Variants in IARS1 observed in about 807,000 individuals in gnomAD.
IARS1 encodes isoleucyl-tRNA synthetase 1, also known as isoleucine--tRNA ligase, cytoplasmic.
IARS1 carries 124 observed loss-of-function variants against 168.2 expected under a neutral mutation model. The ratio of observed to expected loss-of-function variants is 0.74; its 90% CI spans 0.64 to 0.86. The LOEUF (loss-of-function observed/expected upper bound fraction) is 0.86. Among genes scored for constraint, IARS1 ranks in the 40% least tolerant of loss-of-function variants. The pLI is 0.00. For synonymous variants in IARS1, 532 were observed against 529.4 expected (o/e 1.00, Z -0.07); for missense variants, 1,452 against 1,515.8 (o/e 0.96, Z 0.70).
chr9:92,248,467 G>A (rs533344304), intron 25 of IARS1, among the ~76,000 whole-genome samples: 1 of 151,878 alleles, frequency 6.6e-6, no homozygotes, highest in South Asian at 2.1e-4. Context: ...GAGCTCAGGA[G>A]TTAGAGACCA....
chr9:92,267,089 C>T (rs1302997368), intron 14 of IARS1, among the ~76,000 whole-genome samples: 2 of 152,120 alleles, frequency 1.3e-5, no homozygotes, highest in Non-Finnish European at 2.9e-5. Context: ...CTATATTATG[C>T]TTGGACCCGA....
intron 17 of IARS1, among the ~76,000 whole-genome samples, chr9:92,261,628 C>T (rs1208401431): frequency 6.6e-6 from 1 of 152,164 alleles, no homozygotes; most frequent in Non-Finnish European, 1.5e-5. Context: ...TATCAATATC[C>T]TGGTTGTGAT....
intron 19 of IARS1, among the ~76,000 whole-genome samples, chr9:92,257,039 C>T (rs1830829750): frequency 6.6e-6 from 1 of 152,184 alleles, no homozygotes; most frequent in African/African-American, 2.4e-5. Flanking sequence ...AACATTACTT[C>T]TCTGCACCAA....
chr9:92,289,278 C>T (rs779011391), intron 2 of IARS1, 23 bp downstream of exon 2: 1 of 898,420 alleles, frequency 1.1e-6, no homozygotes, highest in South Asian at 1.4e-5. Context: ...CTTAAGGGAA[C>T]TTAACCTAAA....
chr9:92,210,627 TG>T lies in IARS1; in HGVS notation c.*179del. The T allele has an allele frequency of 1.8e-6, 1 of 557,150 alleles. No individual in the cohort carries two copies. Among genetic ancestry groups the T allele is most frequent in the Non-Finnish European group, 3.3e-6 (1 of 304,606 alleles). The allele number at this position is 557,150 out of a possible 1,614,324, so 34.5% of individuals were successfully genotyped here. A position where few individuals can be genotyped will look rare whatever the true frequency, so the allele number is the denominator to read the frequency against. ...GTCTAAGGTTAAGTGTGAAGATTAC[TG>T]TGAGGTCTCAAGTTACTTGACTAAT... On this transcript the variant is annotated 3_prime_UTR_variant, in exon 34 of 34. Transcript: ENST00000443024.
intron 33 of IARS1, among the ~76,000 whole-genome samples, chr9:92,212,271 C>T (rs1837885782): frequency 6.6e-6 from 1 of 151,994 alleles, no homozygotes; most frequent in Non-Finnish European, 1.5e-5. Context: ...TTATGAAAGA[C>T]AATTCTGAGA....
At position 92,265,508 on chromosome 9, in the gene IARS1, C is replaced by T; in HGVS notation, c.1477G>A (p.Ala493Thr). ...SVAELEELSG[A>T]KISDLHRESV... ...TCTCTGTGGAGATCTGAGATCTTTGCTCCTGACAGTTCTTCAAGTTCCGCC... is the reference window on the plus strand; with the variant it reads ...TCTCTGTGGAGATCTGAGATCTTTGTTCCTGACAGTTCTTCAAGTTCCGCC... Residue 493 changes from alanine (A) to threonine (T), a missense_variant, in exon 15 of 34, where the codon GCA becomes ACA. Coordinates refer to ENST00000443024, the MANE Select transcript of IARS1 (RefSeq NM_002161.6). 3.1e-6 allele frequency: 5 copies of T among 1,614,026 alleles called. No homozygotes were observed. Among genetic ancestry groups the T allele is most frequent in the Non-Finnish European group, 4.2e-6 (5 of 1,179,980 alleles).
chr9:92,250,360 A>G (rs935324226), intron 23 of IARS1, 71 bp from the exon 24 acceptor site: 6 of 963,124 alleles, frequency 6.2e-6, no homozygotes, highest in Non-Finnish European at 1.0e-5. Context: ...CTAGGCATGC[A>G]TAAGCGAGGA....
intron 19 of IARS1, among the ~76,000 whole-genome samples, chr9:92,257,976 G>C (rs1009979356): frequency 1.3e-5 from 2 of 152,166 alleles, no homozygotes; most frequent in African/African-American, 4.8e-5. Context: ...TCTCAGGTGA[G>C]AAAGTAACTC....
At chr9:92,253,953 G>A (rs897006620) in intron 20 of IARS1, 7 of 448,298 alleles carry the variant, frequency 1.6e-5, no homozygotes, top group African/African-American at 1.2e-4. Flanking sequence ...ATTTGTCAAC[G>A]TTTGGAGAAA....
chr9:92,284,412 AATG>A (rs1374323807), intron 6 of IARS1, among the ~76,000 whole-genome samples: 1 of 152,212 alleles, frequency 6.6e-6, no homozygotes, highest in Non-Finnish European at 1.5e-5. Context: ...TGGGGGCCTT[AATG>A]GGCCTACAGA....
rs564067397 is a variant in IARS1, at chr9:92,268,018, T to A, written c.1431+156A>T. On this transcript the variant is annotated intron_variant, in intron 14 of 33. Coordinates refer to ENST00000443024, the MANE Select transcript of IARS1 (RefSeq NM_002161.6). ...AGTTAAAAACCCCAGAAACAGATTATCTTATGTCATGATTCTAGAAAGGAA... is the reference window on the plus strand; with the variant it reads ...AGTTAAAAACCCCAGAAACAGATTAACTTATGTCATGATTCTAGAAAGGAA... Among the ~76,000 whole-genome samples the A allele has an allele frequency of 1.7e-4, 26 of 152,266 alleles. No individual in the cohort carries two copies. The South Asian group carries it at 5.2e-3, about 30-fold the overall frequency.
intron 33 of IARS1, among the ~76,000 whole-genome samples, chr9:92,217,516 C>T (rs11521658): frequency 0.31 from 38,237 of 124,644 alleles, 7,616 homozygotes; most frequent in African/African-American, 0.55. Flanking sequence ...ACAAAATTGA[C>T]AGACCACTAG....
chr9:92,270,843 GA>G (rs1296495616), intron 12 of IARS1, 141 bp downstream of exon 12: 5 of 503,528 alleles, frequency 9.9e-6, no homozygotes, highest in African/African-American at 9.7e-5. Flanking sequence ...TCCTAAAAAT[GA>G]AGTAAGAAGG....
In IARS1 at chr9:92,262,347, G is replaced by A. The variant is rs183194858; in HGVS notation, c.1787+622C>T. On this transcript the variant is annotated intron_variant, in intron 17 of 33. Coordinates refer to ENST00000443024, the MANE Select transcript of IARS1 (RefSeq NM_002161.6). Reference sequence around the variant, plus strand: ...TCCTCCTCACACAGCATATAAAGTAGGATTTCTGTGTGGGTACTCAGCACA... The same window carrying A: ...TCCTCCTCACACAGCATATAAAGTAAGATTTCTGTGTGGGTACTCAGCACA... Among the ~76,000 whole-genome samples the A allele has an allele frequency of 4.2e-3, 638 of 152,086 alleles. 1 individual carries two copies. The highest frequency in any genetic ancestry group is 8.6e-3 in the Admixed American group (131 of 15,290).
At position 92,263,880 on chromosome 9, in the gene IARS1, T is replaced by C. The variant is rs539275882; in HGVS notation, c.1701-825A>G. 3.3e-5 allele frequency among the ~76,000 whole-genome samples: 5 copies of C among 152,332 alleles called. No homozygotes were observed. The East Asian group carries it at 9.6e-4, about 29-fold the overall frequency. ...CCCTTTCTAAAAACAGAATTTGTGCTGGGTAGCTGTTCCTATAGACAAAAA... is the reference window on the plus strand; with the variant it reads ...CCCTTTCTAAAAACAGAATTTGTGCCGGGTAGCTGTTCCTATAGACAAAAA... On this transcript the variant is annotated intron_variant, in intron 16 of 33. Transcript: ENST00000443024.
At chr9:92,275,572 T>C (rs1833667347) in intron 9 of IARS1, among the ~76,000 whole-genome samples, 1 of 152,224 alleles carries the variant, frequency 6.6e-6, no homozygotes, top group Non-Finnish European at 1.5e-5. Flanking sequence ...AAAGACAGAA[T>C]ACATGGGTCC....
rs1186079009 is a variant in IARS1 at position 92,251,837 on chromosome 9, T to C, written c.2278A>G (p.Ser760Gly). Residue 760 changes from serine to glycine, a missense_variant, in exon 22 of 34, where the codon AGT becomes GGT. Ser to Gly is a moderately conservative substitution (Grantham distance 56, BLOSUM62 0). Coordinates refer to ENST00000443024, the MANE Select transcript of IARS1 (RefSeq NM_002161.6). ...DCVMALETLF[S>G]VLLSLCRLMA... is the part of the protein sequence containing the mutation. ...AGTCTGCAAAGAGAAAGCAGAACAC[T>C]AAACAAGGTTTCTAGGGCCATGACA... is the stretch of plus-strand genomic sequence containing the variant. The C allele has an allele frequency of 1.2e-6, 2 of 1,613,932 alleles. No individual in the cohort carries two copies. Among genetic ancestry groups the C allele is most frequent in the African/African-American group, 2.7e-5 (2 of 74,918 alleles).
Position 92,283,513 on chromosome 9 carries a change from G to A in IARS1, c.597+2209C>T, listed in dbSNP as rs75290509. ...ACAAAACTTAGCTGGGCATGCTGGC[G>A]GGCACCCGTAATCCCAGCTACTCGG... On this transcript the variant is annotated intron_variant, in intron 6 of 33. Transcript: ENST00000443024. Among the ~76,000 whole-genome samples, 735 of 152,030 alleles carry A rather than the reference G, an allele frequency of 4.8e-3. 5 individuals are homozygous for A. The highest frequency in any genetic ancestry group is 0.015 in the African/African-American group (638 of 41,480).
Sources: allele counts gnomAD v4.1 joint callset (sites outside exome capture counted in the v4.1 genomes callset), GRCh38; gene constraint gnomAD v4.1.1; transcripts MANE v1.5; gene names NCBI Gene and HGNC (gene_info 2026-07-23, HGNC 2026-07-21).